Variants in GABRG3 observed in about 807,000 individuals in gnomAD.
The protein encoded by GABRG3 is gamma-aminobutyric acid receptor subunit gamma-3.
Under a neutral mutation model 48.8 loss-of-function variants are expected in GABRG3, and 25 were observed. The ratio of observed to expected loss-of-function variants is 0.51; its 90% CI spans 0.37 to 0.72. The LOEUF is 0.72. Among genes scored for constraint, GABRG3 ranks in the 30% least tolerant of loss-of-function variants. The probability of loss-of-function intolerance (pLI) is 0.00; values close to 1 mark genes in which losing one functional copy is unlikely to be tolerated. For synonymous variants in GABRG3, 227 were observed against 217.6 expected (o/e 1.04, Z -0.38); for missense variants, 394 against 577.9 (o/e 0.68, Z 3.26).
At chr15:27,513,442 T>A (rs1426569913) in intron 6 of GABRG3, among the ~76,000 whole-genome samples, 7 of 147,440 alleles carry the variant, frequency 4.7e-5, no homozygotes, top group African/African-American at 1.8e-4. Context: ...AGAGTAAGAC[T>A]CCGTCTCAAA....
chr15:27,381,844 G>T (rs2140565014), intron 5 of GABRG3, among the ~76,000 whole-genome samples: 1 of 152,258 alleles, frequency 6.6e-6, no homozygotes, highest in East Asian at 1.9e-4. Context: ...GTGGGGATGA[G>T]AGATGGGAGG....
intron 3 of GABRG3, among the ~76,000 whole-genome samples, chr15:27,293,690 CA>C (rs534211544): frequency 3.3e-4 from 45 of 137,830 alleles, no homozygotes; most frequent in South Asian, 7.0e-4. Flanking sequence ...AAAAAACAAA[CA>C]AAAAAAAAAA....
chr15:27,094,098 A>C (rs1043710068), intron 3 of GABRG3, among the ~76,000 whole-genome samples: 3 of 152,138 alleles, frequency 2.0e-5, no homozygotes, highest in African/African-American at 7.2e-5. Context: ...GGTTGCGAGT[A>C]TTTGCTCCAT....
chr15:27,006,276 A>G (rs2140662684), intron 2 of GABRG3, among the ~76,000 whole-genome samples: 1 of 151,956 alleles, frequency 6.6e-6, no homozygotes, highest in Admixed American at 6.6e-5. Context: ...ATCTAGGCTC[A>G]TTGCAACCTC....
chr15:27,042,169 A>G (rs2140700214), intron 3 of GABRG3, among the ~76,000 whole-genome samples: 1 of 152,340 alleles, frequency 6.6e-6, no homozygotes, highest in South Asian at 2.1e-4. Context: ...TGTGGGTCCC[A>G]TCTGCCTCCC....
At chr15:27,455,768 CTA>C (rs1889256307) in intron 5 of GABRG3, among the ~76,000 whole-genome samples, 3 of 149,690 alleles carry the variant, frequency 2.0e-5, no homozygotes, top group East Asian at 2.0e-4. Flanking sequence ...TGTATGTGTG[CTA>C]TGTGTGTGTG....
intron 2 of GABRG3, among the ~76,000 whole-genome samples, chr15:27,005,207 T>C (rs1895559423): frequency 1.3e-5 from 2 of 152,116 alleles, no homozygotes; most frequent in South Asian, 2.1e-4. Flanking sequence ...ATTTTATTTA[T>C]TTATTTATTT....
At chr15:27,008,997 T>C (rs764861275) in intron 2 of GABRG3, among the ~76,000 whole-genome samples, 5 of 152,016 alleles carry the variant, frequency 3.3e-5, no homozygotes, top group Non-Finnish European at 5.9e-5. Flanking sequence ...GGGGCGAGGA[T>C]GTAGAGCAAG....
intron 6 of GABRG3, among the ~76,000 whole-genome samples, chr15:27,511,682 A>G (rs1300773727): frequency 6.6e-6 from 1 of 152,246 alleles, no homozygotes; most frequent in Non-Finnish European, 1.5e-5. Context: ...CTTGTATTCT[A>G]TGGGGTAGAG....
chr15:27,324,979 T>C (rs1893558043), intron 3 of GABRG3, among the ~76,000 whole-genome samples: 1 of 117,304 alleles, frequency 8.5e-6, no homozygotes, highest in Non-Finnish European at 1.6e-5. Context: ...GGTGTGATTA[T>C]TTCTGCCAGG....
At chr15:27,116,534 C>T (rs907114778) in intron 3 of GABRG3, among the ~76,000 whole-genome samples, 7 of 152,132 alleles carry the variant, frequency 4.6e-5, no homozygotes, top group Non-Finnish European at 4.4e-5. Context: ...ACCACTTCTA[C>T]TATGACAACT....
chr15:27,501,438 T>C (rs8027313), intron 6 of GABRG3, among the ~76,000 whole-genome samples: 15,223 of 152,066 alleles, frequency 0.1, 1,460 homozygotes, highest in East Asian at 0.33. Flanking sequence ...CAGGTTAGTC[T>C]TCGAGGCTGC....
At chr15:27,328,984 T>A in intron 5 of GABRG3, 96 bp downstream of exon 5, 1 of 1,010,404 alleles carries the variant, frequency 9.9e-7, no homozygotes, top group Non-Finnish European at 1.5e-6. Flanking sequence ...GATCACAGTG[T>A]CCCTGCACAC....
At chr15:27,172,387 A>G (rs955153848) in intron 3 of GABRG3, among the ~76,000 whole-genome samples, 1 of 151,774 alleles carries the variant, frequency 6.6e-6, no homozygotes, top group Admixed American at 6.6e-5. Context: ...TCCTCTGGGG[A>G]TTGTCAGGAC....
intron 2 of GABRG3, among the ~76,000 whole-genome samples, chr15:27,005,485 T>C (rs1895566651): frequency 1.3e-5 from 2 of 152,210 alleles, no homozygotes; most frequent in African/African-American, 2.4e-5. Flanking sequence ...AACAAACTTT[T>C]GAGTCAATTA....
intron 3 of GABRG3, among the ~76,000 whole-genome samples, chr15:27,285,301 G>GTT (rs1891573867): frequency 8.5e-6 from 1 of 118,180 alleles, no homozygotes; most frequent in Non-Finnish European, 1.8e-5. Context: ...GTGTGTGTGT[G>GTT]TTTTCTTCTT....
rs1894839837 is a variant in GABRG3 at position 26,971,437 on chromosome 15, G to A, written c.-99G>A. 2 of 1,011,318 alleles carry A rather than the reference G, an allele frequency of 2.0e-6. No homozygotes were observed. Among genetic ancestry groups the A allele is most frequent in the Admixed American group, 3.6e-5 (1 of 27,796 alleles). 62.6% of individuals were successfully genotyped at this position (1,011,318 alleles called of 1,614,324 possible). A position where few individuals can be genotyped will look rare whatever the true frequency, so the allele number is the denominator to read the frequency against. ...CCCGCCGCGGCCAGCAGCCTCGGAG[G>A]AAGCCAGGGCAAAGAGGGCCGGCGG... is the stretch of plus-strand genomic sequence containing the variant. On this transcript the variant is annotated 5_prime_UTR_variant, in exon 1 of 10. Transcript: ENST00000615808.
rs560814470 is a variant in GABRG3 at position 27,074,521 on chromosome 15, G to GTCCC, written c.270+47702_270+47705dup. On this transcript the variant is annotated intron_variant, in intron 3 of 9. Coordinates refer to ENST00000615808, the MANE Select transcript of GABRG3 (RefSeq NM_033223.5). ...CTGTGCAAGCCAAGCTTGGACTCTTGTCCCTTCCTCGGAGGATGGGACTGC... is the reference window on the plus strand; with the variant it reads ...CTGTGCAAGCCAAGCTTGGACTCTTGTCCCTCCCTTCCTCGGAGGATGGGACTGC... Among the ~76,000 whole-genome samples the GTCCC allele has an allele frequency of 4.6e-5, 7 of 151,876 alleles. No individual in the cohort carries two copies. In the East Asian group the frequency reaches 1.4e-3, roughly 30 times the overall value.
chr15:27,456,720 T>G (rs895529436), intron 5 of GABRG3, among the ~76,000 whole-genome samples: 3 of 152,094 alleles, frequency 2.0e-5, no homozygotes, highest in Admixed American at 2.0e-4. Flanking sequence ...CAGGCTGTAC[T>G]GGGTGATGGG....
Sources: gnomAD v4.1 joint callset for allele counts (sites outside exome capture counted in the v4.1 genomes callset) on GRCh38, gnomAD v4.1.1 for gene constraint, MANE v1.5 for transcripts, NCBI Gene and HGNC (gene_info 2026-07-23, HGNC 2026-07-21) for gene names.